Variants in GATA6 observed in about 807,000 individuals in gnomAD.
The protein encoded by GATA6 is transcription factor GATA-6.
Under a neutral mutation model 48.1 loss-of-function variants are expected in GATA6, and 11 were observed. The ratio of observed to expected loss-of-function variants is 0.23; its 90% CI spans 0.14 to 0.38. GATA6 has a LOEUF of 0.38. GATA6 is among the 10% of genes least tolerant of loss of function. The pLI, the probability that GATA6 is intolerant of heterozygous loss-of-function variation, is 1.00. For missense variants in GATA6, 795 were observed against 850.3 expected (o/e 0.93, Z 0.81); for synonymous variants, 419 against 396.1 (o/e 1.06, Z -0.69).
At position 22,171,669 on chromosome 18, in the gene GATA6, G is replaced by T. The variant is rs759587190; in HGVS notation, c.525G>T (p.Ala175=). 3.3e-6 allele frequency: 5 copies of T among 1,511,268 alleles called. No individual in the cohort carries two copies. In the Admixed American group the frequency reaches 8.8e-5, roughly 27 times the overall value. 93.6% of individuals were successfully genotyped at this position (1,511,268 alleles called of 1,614,324 possible). The change falls in exon 2 of 7, where the codon GCG becomes GCT. Residue 175 remains alanine (A), a synonymous_variant. Transcript: ENST00000269216. The surrounding 1 kb of genome is among the most constrained non-coding windows in gnomAD (Gnocchi z 7.1). ...APGGFVHSAA[A]AAAAAAAASS... ...GCGGCTTCGTGCACTCTGCGGCCGC[G>T]GCGGCAGCAGCCGCGGCGGCGGCCA...
chr18:22,180,689 T>TA (rs769055281), intron 3 of GATA6, among the ~76,000 whole-genome samples: 3,006 of 150,832 alleles, frequency 0.02, 40 homozygotes, highest in Non-Finnish European at 0.028. Flanking sequence ...TTTTTTTTTT[T>TA]AAAAAAAACT....
At chr18:22,180,040 A>G (rs2033173361) in intron 3 of GATA6, 1 of 152,134 alleles carries the variant, frequency 6.6e-6, no homozygotes, top group African/African-American at 2.4e-5. Context: ...ATTCTTTACA[A>G]TTGATCTTAA....
rs2033068001 is a variant in GATA6 at position 22,172,379 on chromosome 18, T to A, written c.1135+100T>A. 1 of 1,466,284 alleles carries A rather than the reference T, an allele frequency of 6.8e-7. No individual in the cohort carries two copies. Among genetic ancestry groups the A allele is most frequent in the Non-Finnish European group, 9.0e-7 (1 of 1,108,900 alleles). The allele number at this position is 1,466,284 out of a possible 1,614,324, so 90.8% of individuals were successfully genotyped here. A position where few individuals can be genotyped will look rare whatever the true frequency, so the allele number is the denominator to read the frequency against. ...CACTCGGGCCCTGTTTTCAGGACTT[T>A]CTCGTCCGGGTGCGCGGAGGTCGGC... On this transcript the variant is annotated intron_variant, in intron 2 of 6. Transcript: ENST00000269216. The surrounding 1 kb of genome is among the most constrained non-coding windows in gnomAD (Gnocchi z 5.2).
chr18:22,170,991 T>C lies in GATA6; in HGVS notation c.-37-117T>C. 4.4e-6 allele frequency: 3 copies of C among 677,672 alleles called. No individual in the cohort carries two copies. Among genetic ancestry groups the C allele is most frequent in the Non-Finnish European group, 7.8e-6 (3 of 382,192 alleles). The allele number at this position is 677,672 out of a possible 1,614,324, so 42.0% of individuals were successfully genotyped here. A position where few individuals can be genotyped will look rare whatever the true frequency, so the allele number is the denominator to read the frequency against. On this transcript the variant is annotated intron_variant, in intron 1 of 6. Transcript: ENST00000269216. This position sits in a 1 kb window ranked among gnomAD's most constrained non-coding sequence, Gnocchi z 6.7. ...TTTGAGAAGTCTCAAATGGGATCTT[T>C]GAGAAGTCAGATCCCATTTGAACTA...
intron 6 of GATA6, among the ~76,000 whole-genome samples, chr18:22,191,151 A>G (rs1193455841): frequency 1.3e-5 from 2 of 152,032 alleles, no homozygotes; most frequent in African/African-American, 4.8e-5. Context: ...ACATTAGGAA[A>G]CAGTAAAGCT....
chr18:22,177,952 GTTTTTTTTTTT>G (rs775374335), intron 3 of GATA6, among the ~76,000 whole-genome samples: 7 of 80,458 alleles, frequency 8.7e-5, no homozygotes, highest in Admixed American at 2.6e-4. Flanking sequence ...CTGTTTTTTT[GTTTTTTTTTTT>G]TTTTTTTTTT....
chr18:22,173,006 G>A (rs142489403), intron 2 of GATA6, among the ~76,000 whole-genome samples: 1 of 152,308 alleles, frequency 6.6e-6, no homozygotes, highest in African/African-American at 2.4e-5. Context: ...ACATGGCCAG[G>A]CTGCAACTCA....
chr18:22,175,929 A>T (rs2033115889), intron 2 of GATA6, among the ~76,000 whole-genome samples: 1 of 152,140 alleles, frequency 6.6e-6, no homozygotes, highest in Admixed American at 6.5e-5. Context: ...GGCGGTCTAT[A>T]CTTTTTTTTG....
At chr18:22,189,716 C>G (rs1372563082) in intron 6 of GATA6, among the ~76,000 whole-genome samples, 1 of 152,178 alleles carries the variant, frequency 6.6e-6, no homozygotes, top group Non-Finnish European at 1.5e-5. Flanking sequence ...GAGAGCCAAA[C>G]AGTGGTGGAT....
In GATA6 at chr18:22,201,241, T is replaced by C. The variant is rs2143347905; in HGVS notation, c.*418T>C. 4.4e-6 allele frequency: 1 copy of C among 228,940 alleles called. No individual in the cohort carries two copies. Among genetic ancestry groups the C allele is most frequent in the East Asian group, 1.0e-4 (1 of 9,590 alleles). 14.2% of individuals were successfully genotyped at this position (228,940 alleles called of 1,614,324 possible). ...CACATCCAGATTTCATGTGCGTTCA[T>C]GGAGAAGATCACTTGAGGCCATTTG... On this transcript the variant is annotated 3_prime_UTR_variant, in exon 7 of 7. Coordinates refer to ENST00000269216, the MANE Select transcript of GATA6 (RefSeq NM_005257.6).
At chr18:22,183,614 A>T (rs751135681) in intron 6 of GATA6, among the ~76,000 whole-genome samples, 1 of 152,176 alleles carries the variant, frequency 6.6e-6, no homozygotes, top group Admixed American at 6.5e-5. Context: ...CCTTAATTGT[A>T]CTGGCGTTTA....
rs117453749 is a variant in GATA6 at position 22,184,211 on chromosome 18, T to C, written c.1620+1168T>C. ...AAAATTAAATATTTAAAACAAAATGTTTAAACTGTGCTTAAAATTATATTT... is the reference window on the plus strand; with the variant it reads ...AAAATTAAATATTTAAAACAAAATGCTTAAACTGTGCTTAAAATTATATTT... On this transcript the variant is annotated intron_variant, in intron 6 of 6. Coordinates refer to ENST00000269216, the MANE Select transcript of GATA6 (RefSeq NM_005257.6). Among the ~76,000 whole-genome samples, 1,401 of 152,338 alleles carry C rather than the reference T, an allele frequency of 9.2e-3. 8 individuals are homozygous for C. The highest frequency in any genetic ancestry group is 0.045 in the East Asian group (231 of 5,180).
intron 6 of GATA6, among the ~76,000 whole-genome samples, chr18:22,194,158 C>A (rs1415817161): frequency 2.0e-5 from 3 of 152,168 alleles, no homozygotes; most frequent in African/African-American, 7.2e-5. Context: ...CAATCTGTAG[C>A]AGCCCAAGCT....
In GATA6 at chr18:22,201,069, C is replaced by T; in HGVS notation, c.*246C>T. The stretch of plus-strand genomic sequence containing the variant: ...CCCGCCTCCGGGGCGGACCCTGCTC[C>T]ACTTCCAGAAGCCAGGACTAGGACC... On this transcript the variant is annotated 3_prime_UTR_variant, in exon 7 of 7. Coordinates refer to ENST00000269216, the MANE Select transcript of GATA6 (RefSeq NM_005257.6). 1.7e-6 allele frequency: 1 copy of T among 574,644 alleles called. No homozygotes were observed. The highest frequency in any genetic ancestry group is 2.1e-5 in the South Asian group (1 of 46,628). The allele number at this position is 574,644 out of a possible 1,614,324, so 35.6% of individuals were successfully genotyped here.
At chr18:22,179,728 GTCA>G (rs1282750946) in intron 3 of GATA6, among the ~76,000 whole-genome samples, 2 of 152,156 alleles carry the variant, frequency 1.3e-5, no homozygotes, top group Non-Finnish European at 2.9e-5. Flanking sequence ...TTAATATGTT[GTCA>G]TCATTTTAGC....
At chr18:22,183,095 A>C (rs1184726039) in intron 6 of GATA6, 52 bp downstream of exon 6, 1 of 1,352,012 alleles carries the variant, frequency 7.4e-7, no homozygotes, top group Non-Finnish European at 1.1e-6. Context: ...CTCTCTAGTA[A>C]ATTATCTCAA....
rs554715028 is a variant in GATA6 at position 22,172,480 on chromosome 18, G to A, written c.1135+201G>A. 2.9e-4 allele frequency among the ~76,000 whole-genome samples: 44 copies of A among 152,372 alleles called. No individual in the cohort carries two copies. The highest frequency in any genetic ancestry group is 1.0e-3 in the African/African-American group (43 of 41,588). On this transcript the variant is annotated intron_variant, in intron 2 of 6. Coordinates refer to ENST00000269216, the MANE Select transcript of GATA6 (RefSeq NM_005257.6). This position sits in a 1 kb window ranked among gnomAD's most constrained non-coding sequence, Gnocchi z 5.2. The stretch of plus-strand genomic sequence containing the variant: ...GTAGCGCTGAGGCGAGTTGTGCCAA[G>A]ACTTGAGTCTGTTGTGCCAAGTTCC...
chr18:22,173,189 C>T (rs116835176), intron 2 of GATA6, among the ~76,000 whole-genome samples: 1,990 of 152,344 alleles, frequency 0.013, 50 homozygotes, highest in African/African-American at 0.046. Flanking sequence ...GTTTTGTTTA[C>T]TCCAGCACAG....
Position 22,171,150 on chromosome 18 carries a change from C to T in GATA6, c.6C>T (p.Ala2=), listed in dbSNP as rs1228927661. ...GGAGCGGCGCCGGACCGTGGATGGC[C>T]TTGACTGACGGCGGCTGGTGCTTGC... The part of the protein sequence containing the change: M[A]LTDGGWCLPK... The change falls in exon 2 of 7, where the codon GCC becomes GCT. Residue 2 remains alanine (A), a synonymous_variant. Transcript: ENST00000269216. This position sits in a 1 kb window ranked among gnomAD's most constrained non-coding sequence, Gnocchi z 7.1. 5.0e-6 allele frequency: 8 copies of T among 1,600,216 alleles called. No homozygotes were observed. The highest frequency in any genetic ancestry group is 6.8e-6 in the Non-Finnish European group (8 of 1,179,596).
Sources: gnomAD v4.1 joint callset for allele counts (sites outside exome capture counted in the v4.1 genomes callset) on GRCh38, gnomAD v4.1.1 for gene constraint, Gnocchi (gnomAD v3.1) non-coding constraint, MANE v1.5 for transcripts, NCBI Gene and HGNC (gene_info 2026-07-23, HGNC 2026-07-21) for gene names.